Variants in SLC25A26 observed in about 807,000 individuals in gnomAD.
SLC25A26 encodes the protein mitochondrial S-adenosylmethionine carrier protein.
SLC25A26 carries 36 observed loss-of-function variants against 37.8 expected under a neutral mutation model. The ratio of observed to expected loss-of-function variants is 0.95; its 90% CI spans 0.73 to 1.26. The LOEUF (loss-of-function observed/expected upper bound fraction) is 1.26. Ranked by LOEUF, SLC25A26 falls within the 50% of genes most tolerant of loss-of-function variation. The pLI, the probability that SLC25A26 is intolerant of heterozygous loss-of-function variation, is 0.00. For missense variants in SLC25A26, 390 were observed against 331.1 expected, an observed-to-expected ratio of 1.18 and a Z score of -1.38; for synonymous variants, 129 against 122.5, an observed-to-expected ratio of 1.05 and a Z score of -0.35.
At chr3:66,224,612 C>T (rs2071653962) in intron 1 of SLC25A26, among the ~76,000 whole-genome samples, 1 of 152,214 alleles carries the variant, frequency 6.6e-6, no homozygotes, top group Non-Finnish European at 1.5e-5. Flanking sequence ...CCCCTGGCCT[C>T]TCCCAAATCT....
At chr3:66,356,715 A>G (rs1447666910) in intron 6 of SLC25A26, among the ~76,000 whole-genome samples, 1 of 152,048 alleles carries the variant, frequency 6.6e-6, no homozygotes, top group East Asian at 1.9e-4. Context: ...TGCAGCTTCA[A>G]CCTCCCAGGC....
chr3:66,226,659 T>C (rs1377429657), intron 1 of SLC25A26, among the ~76,000 whole-genome samples: 1 of 152,126 alleles, frequency 6.6e-6, no homozygotes, highest in Non-Finnish European at 1.5e-5. Context: ...GACAGGGTCT[T>C]GCTGTGTTGC....
intron 5 of SLC25A26, among the ~76,000 whole-genome samples, chr3:66,297,803 T>C (rs932400258): frequency 1.3e-5 from 2 of 152,220 alleles, no homozygotes; most frequent in East Asian, 1.9e-4. Context: ...TCTGACTCTT[T>C]ACAGAAAAAG....
intron 3 of SLC25A26, among the ~76,000 whole-genome samples, chr3:66,258,837 T>C (rs1317640267): frequency 7.2e-6 from 1 of 139,576 alleles, no homozygotes. Flanking sequence ...TTCTTCTCTT[T>C]CCTTTTCTTT....
intron 1 of SLC25A26, among the ~76,000 whole-genome samples, chr3:66,213,357 G>A (rs1276842030): frequency 6.8e-5 from 8 of 118,012 alleles, no homozygotes; most frequent in Admixed American, 6.0e-4. Flanking sequence ...CCAAGATCAT[G>A]CCACTGCACT....
intron 1 of SLC25A26, among the ~76,000 whole-genome samples, chr3:66,222,593 C>T (rs901275610): frequency 2.0e-5 from 3 of 151,730 alleles, no homozygotes; most frequent in African/African-American, 7.2e-5. Flanking sequence ...ATACATTATC[C>T]CATTTAATTC....
intron 6 of SLC25A26, among the ~76,000 whole-genome samples, chr3:66,356,657 C>T (rs1480485321): frequency 1.3e-5 from 2 of 152,072 alleles, no homozygotes. Flanking sequence ...GAGATAGGGT[C>T]TTGCTCTGTC....
chr3:66,324,204 G>GTA (rs1166974930), intron 5 of SLC25A26: 2 of 152,302 alleles, frequency 1.3e-5, no homozygotes, highest in Non-Finnish European at 2.9e-5. Flanking sequence ...GTGTGTGTGT[G>GTA]TGTGTGTGTG....
chr3:66,222,405 C>A (rs1411659338), intron 1 of SLC25A26, among the ~76,000 whole-genome samples: 1 of 152,138 alleles, frequency 6.6e-6, no homozygotes, highest in Non-Finnish European at 1.5e-5. Context: ...TGGTCTCGAT[C>A]TCCTGACCTC....
At chr3:66,286,005 G>C (rs892399050) in intron 5 of SLC25A26, among the ~76,000 whole-genome samples, 1 of 152,058 alleles carries the variant, frequency 6.6e-6, no homozygotes, top group Non-Finnish European at 1.5e-5. Context: ...TGGCATCCTT[G>C]CATCTTTTTA....
At chr3:66,184,151 C>T (rs560877491) in intron 1 of SLC25A26, among the ~76,000 whole-genome samples, 7 of 152,198 alleles carry the variant, frequency 4.6e-5, no homozygotes, top group Admixed American at 1.3e-4. Context: ...TTCTCATCCT[C>T]ACTCTTACCA....
chr3:66,250,093 C>CA (rs1380380756), intron 3 of SLC25A26, among the ~76,000 whole-genome samples: 14 of 152,318 alleles, frequency 9.2e-5, no homozygotes, highest in Admixed American at 3.3e-4. Flanking sequence ...AAGAATTACA[C>CA]AAAAAATTAT....
At chr3:66,329,390 G>C (rs1373448236) in intron 5 of SLC25A26, among the ~76,000 whole-genome samples, 1 of 152,126 alleles carries the variant, frequency 6.6e-6, no homozygotes, top group Non-Finnish European at 1.5e-5. Flanking sequence ...GCTTGTAAGT[G>C]GTACTGAATT....
intron 3 of SLC25A26, among the ~76,000 whole-genome samples, chr3:66,258,834 C>T (rs1197190960): frequency 2.1e-5 from 3 of 139,630 alleles, no homozygotes; most frequent in Non-Finnish European, 4.5e-5. Context: ...TTTTTCTTCT[C>T]TTTCCTTTTC....
At chr3:66,172,410 G>GAAAAAAAAAAA (rs1199322248) in intron 1 of SLC25A26, among the ~76,000 whole-genome samples, 2,103 of 75,094 alleles carry the variant, frequency 0.028, 185 homozygotes, top group East Asian at 0.035. Context: ...TACCTGTAAA[G>GAAAAAAAAAAA]AAAAAAAAAA....
At chr3:66,174,906 AG>A (rs2070555391) in intron 1 of SLC25A26, among the ~76,000 whole-genome samples, 1 of 151,774 alleles carries the variant, frequency 6.6e-6, no homozygotes, top group African/African-American at 2.4e-5. Flanking sequence ...AGCTTGGTCC[AG>A]CTGGCACCAC....
chr3:66,158,530 C>T (rs1314017784), intron 1 of SLC25A26, among the ~76,000 whole-genome samples: 1 of 152,120 alleles, frequency 6.6e-6, no homozygotes, highest in Non-Finnish European at 1.5e-5. Context: ...AAACTGCCAA[C>T]CTGTTTTCCG....
At chr3:66,288,693 A>G (rs952075990) in intron 5 of SLC25A26, among the ~76,000 whole-genome samples, 3 of 152,300 alleles carry the variant, frequency 2.0e-5, no homozygotes, top group Admixed American at 6.5e-5. Context: ...TCAATGATGT[A>G]TATGTGCCAC....
At chr3:66,209,879 CCTCTCT>C (rs1371306688) in intron 1 of SLC25A26, among the ~76,000 whole-genome samples, 1 of 63,744 alleles carries the variant, frequency 1.6e-5, no homozygotes, top group African/African-American at 6.9e-5. Context: ...TATATATACT[CCTCTCT>C]CTCTCTCTCT....
Sources: allele counts gnomAD v4.1 joint callset (sites outside exome capture counted in the v4.1 genomes callset), GRCh38; gene constraint gnomAD v4.1.1; transcripts MANE v1.5; gene names NCBI Gene and HGNC (gene_info 2026-07-23, HGNC 2026-07-21).